The following CACNA1A variants were observed in gnomAD, a reference collection of about 807,000 sequenced individuals.
CACNA1A encodes calcium voltage-gated channel subunit alpha1 A.
CACNA1A carries 57 observed loss-of-function variants against 262.4 expected under a neutral mutation model. The observed-to-expected ratio is 0.22, with a 90% CI of 0.18 to 0.27. The LOEUF (loss-of-function observed/expected upper bound fraction) is 0.27, where lower values mean the gene tolerates loss of function less well. Ranked by LOEUF, CACNA1A falls within the 10% of genes least tolerant of loss-of-function variation. The pLI, the probability that CACNA1A is intolerant of heterozygous loss-of-function variation, is 1.00. For synonymous variants in CACNA1A, 1,431 were observed against 1,419.3 expected (o/e 1.01, Z -0.18); for missense variants, 2,526 against 3,562.8 (o/e 0.71, Z 7.41).
chr19:13,230,002 T>C, intron 36 of CACNA1A, 80 bp downstream of exon 36: 1 of 1,517,892 alleles, frequency 6.6e-7, no homozygotes, highest in Middle Eastern at 2.0e-4. Flanking sequence ...TGCTCCAGAG[T>C]CTGGGGCCTG....
intron 2 of CACNA1A, among the ~76,000 whole-genome samples, chr19:13,453,331 T>A (rs983870957): frequency 3.3e-5 from 5 of 152,186 alleles, no homozygotes; most frequent in African/African-American, 1.2e-4. Flanking sequence ...GCTATTTCAA[T>A]TAAAATTAAT....
rs1401274820 is a variant in CACNA1A at position 13,368,457 on chromosome 19, C to T, written c.632-2988G>A. ...AAGCGAGCCTCCTGCCTCAGCCTCC[C>T]GAGTAGGTGGGACTACAGGCACACT... On this transcript the variant is annotated intron_variant, in intron 4 of 46. Transcript: ENST00000360228. 3.3e-5 allele frequency among the ~76,000 whole-genome samples: 5 copies of T among 149,704 alleles called. No homozygotes were observed. The East Asian group carries it at 6.4e-4, about 19-fold the overall frequency.
chr19:13,315,196 C>CTTTTTT (rs60520404), intron 11 of CACNA1A: 15 of 109,694 alleles, frequency 1.4e-4, no homozygotes, highest in Middle Eastern at 5.3e-3. Flanking sequence ...TAATGTGTAT[C>CTTTTTT]TTTTTTTTTT....
intron 6 of CACNA1A, among the ~76,000 whole-genome samples, chr19:13,347,663 G>A (rs1001459977): frequency 2.0e-4 from 30 of 152,306 alleles, no homozygotes; most frequent in African/African-American, 7.0e-4. Context: ...AATGTCTGCT[G>A]TCTGCCCTTT....
At chr19:13,465,342 A>G (rs553424538) in intron 1 of CACNA1A, among the ~76,000 whole-genome samples, 1 of 152,190 alleles carries the variant, frequency 6.6e-6, no homozygotes, top group Non-Finnish European at 1.5e-5. Context: ...GTGCATGCAT[A>G]TGTGTGGTCC....
chr19:13,410,352 A>G (rs1007420351), intron 3 of CACNA1A, among the ~76,000 whole-genome samples: 5 of 151,606 alleles, frequency 3.3e-5, no homozygotes, highest in African/African-American at 1.2e-4. Flanking sequence ...TCAGCCTCCC[A>G]AGTAGCTAGG....
intron 3 of CACNA1A, among the ~76,000 whole-genome samples, chr19:13,447,556 C>G: frequency 6.6e-6 from 1 of 152,182 alleles, no homozygotes; most frequent in East Asian, 1.9e-4. Flanking sequence ...TTGACTCACA[C>G]AATCACAAGG....
chr19:13,328,701 A>C lies in CACNA1A; in HGVS notation c.1345+1543T>G, dbSNP rs139662703. Among the ~76,000 whole-genome samples, 5 of 152,284 alleles carry C rather than the reference A, an allele frequency of 3.3e-5. No homozygotes were observed. The East Asian group carries it at 9.6e-4, about 29-fold the overall frequency. On this transcript the variant is annotated intron_variant, in intron 10 of 46. Transcript: ENST00000360228. ...TAAGAGAAATTATTGGAAACAACTC[A>C]AACACCCTATAATAGAGCTATGGCT...
intron 3 of CACNA1A, among the ~76,000 whole-genome samples, chr19:13,426,120 C>T (rs1222175815): frequency 2.6e-5 from 4 of 151,836 alleles, no homozygotes; most frequent in African/African-American, 9.7e-5. Context: ...CCAAAGATAA[C>T]AAGACATTCA....
At position 13,348,943 on chromosome 19, in the gene CACNA1A, G is replaced by A. The variant is rs571793352; in HGVS notation, c.978+10663C>T. Among the ~76,000 whole-genome samples the A allele has an allele frequency of 7.5e-5, 11 of 146,630 alleles. No homozygotes were observed. In the East Asian group the frequency reaches 1.2e-3, roughly 16 times the overall value. ...GAATCGCTTGAACCCAGGAGATGGA[G>A]GTTGTAGTGAGCCGAGATTGCGCCA... On this transcript the variant is annotated intron_variant, in intron 6 of 46. Coordinates refer to ENST00000360228, the MANE Select transcript of CACNA1A (RefSeq NM_001127222.2).
At chr19:13,489,531 CAA>C (rs2145120532) in intron 1 of CACNA1A, among the ~76,000 whole-genome samples, 1 of 152,330 alleles carries the variant, frequency 6.6e-6, no homozygotes, top group Non-Finnish European at 1.5e-5. Flanking sequence ...TTCAGCCTCT[CAA>C]AGTGCTGGGA....
intron 3 of CACNA1A, among the ~76,000 whole-genome samples, chr19:13,378,713 A>G (rs568573636): frequency 4.6e-5 from 7 of 151,852 alleles, no homozygotes; most frequent in African/African-American, 1.7e-4. Flanking sequence ...CCCAGGCTGG[A>G]GTGCAGCAGT....
In CACNA1A at chr19:13,214,362, A is replaced by G; in HGVS notation, c.5840-29T>C. ...GGGGCACACACACGGTGAGCTCACC[A>G]AGGGCAGGCCTCTTTGGGGCCCTTG... On this transcript the variant is annotated intron_variant, in intron 39 of 46. Transcript: ENST00000360228. This position sits in a 1 kb window ranked among gnomAD's most constrained non-coding sequence, Gnocchi z 4.1. 1 of 1,607,184 alleles carries G rather than the reference A, an allele frequency of 6.2e-7. No individual in the cohort carries two copies. Among genetic ancestry groups the G allele is most frequent in the Non-Finnish European group, 8.5e-7 (1 of 1,175,350 alleles).
At chr19:13,341,144 G>A (rs1365631086) in intron 6 of CACNA1A, among the ~76,000 whole-genome samples, 1 of 152,190 alleles carries the variant, frequency 6.6e-6, no homozygotes, top group Non-Finnish European at 1.5e-5. Flanking sequence ...AGACAACCTT[G>A]CACAGAGGGA....
At chr19:13,388,620 A>G (rs2059660129) in intron 3 of CACNA1A, among the ~76,000 whole-genome samples, 1 of 152,114 alleles carries the variant, frequency 6.6e-6, no homozygotes, top group Non-Finnish European at 1.5e-5. Flanking sequence ...TGCTCTCCTC[A>G]GGTTACGGGA....
chr19:13,396,033 C>A (rs758217250), intron 3 of CACNA1A, among the ~76,000 whole-genome samples: 32 of 152,384 alleles, frequency 2.1e-4, no homozygotes, highest in Non-Finnish European at 1.9e-4. Flanking sequence ...ACAATTTCCC[C>A]TGCAGCTTTG....
intron 1 of CACNA1A, among the ~76,000 whole-genome samples, chr19:13,490,474 G>A (rs545756941): frequency 5.3e-5 from 8 of 152,116 alleles, no homozygotes; most frequent in Admixed American, 6.5e-5. Flanking sequence ...GTGGTGGCGC[G>A]TGCCTGTAGT....
intron 1 of CACNA1A, among the ~76,000 whole-genome samples, chr19:13,468,212 TGAG>T (rs2145019181): frequency 6.6e-6 from 1 of 151,716 alleles, no homozygotes; most frequent in South Asian, 2.1e-4. Context: ...GGGAAGAGAG[TGAG>T]GAGTGAGGAT....
chr19:13,283,269 T>C lies in CACNA1A; in HGVS notation c.3820A>G (p.Asn1274Asp), dbSNP rs2144871278. 1.2e-6 allele frequency: 2 copies of C among 1,613,716 alleles called. No homozygotes were observed. Among genetic ancestry groups the C allele is most frequent in the Non-Finnish European group, 1.7e-6 (2 of 1,179,674 alleles). ...DPVQPNAPRN[N>D]VLRYFDYVFT... ...GGGGTGTGCTCTGTGGGACTCACGT[T>C]GTTCCGAGGTGCGTTGGGCTGCACA... The change falls in exon 22 of 47, where the codon AAC becomes GAC. Residue 1274 changes from asparagine to aspartate, a missense_variant and splice_region_variant. Coordinates refer to ENST00000360228, the MANE Select transcript of CACNA1A (RefSeq NM_001127222.2).
Sources: gnomAD v4.1 joint callset for allele counts (sites outside exome capture counted in the v4.1 genomes callset) on GRCh38, gnomAD v4.1.1 for gene constraint, Gnocchi (gnomAD v3.1) non-coding constraint, MANE v1.5 for transcripts, NCBI Gene and HGNC (gene_info 2026-07-23, HGNC 2026-07-21) for gene names.